The following MRPL48 variants were observed in gnomAD, a reference collection of about 807,000 sequenced individuals.
MRPL48 encodes the protein large ribosomal subunit protein mL48.
A neutral mutation model predicts 32.9 loss-of-function variants in MRPL48; 16 were observed. The ratio of observed to expected loss-of-function variants is 0.49; its 90% CI spans 0.33 to 0.74. MRPL48 has a LOEUF of 0.74. Among genes scored for constraint, MRPL48 ranks in the 30% least tolerant of loss-of-function variants. The pLI is 0.02. For synonymous variants in MRPL48, 94 were observed against 89.2 expected (o/e 1.05, Z -0.31); for missense variants, 206 against 245.3 (o/e 0.84, Z 1.07).
intron 3 of MRPL48, among the ~76,000 whole-genome samples, chr11:73,814,252 G>A (rs1947618698): frequency 1.3e-5 from 2 of 151,496 alleles, no homozygotes; most frequent in Non-Finnish European, 2.9e-5. Context: ...TAGCCTGGTG[G>A]GATAGCGAGT....
chr11:73,853,376 T>C (rs1286750262), intron 5 of MRPL48, among the ~76,000 whole-genome samples: 1 of 152,260 alleles, frequency 6.6e-6, no homozygotes, highest in African/African-American at 2.4e-5. Context: ...ATACCTGCTA[T>C]GGACCCACAA....
chr11:73,813,702 A>C (rs184093461), intron 3 of MRPL48, among the ~76,000 whole-genome samples: 5 of 152,040 alleles, frequency 3.3e-5, no homozygotes, highest in African/African-American at 1.2e-4. Context: ...TGATTTCTAG[A>C]TTTTGTTTCA....
At chr11:73,863,402 C>A in intron 7 of MRPL48, 141 bp downstream of exon 7, 1 of 728,308 alleles carries the variant, frequency 1.4e-6, no homozygotes, top group Non-Finnish European at 2.2e-6. Context: ...AAGTTGTACA[C>A]TCTGATGACA....
chr11:73,817,298 A>G (rs1947695646), intron 3 of MRPL48, among the ~76,000 whole-genome samples: 1 of 152,188 alleles, frequency 6.6e-6, no homozygotes, highest in Non-Finnish European at 1.5e-5. Flanking sequence ...TGCAATGGAA[A>G]CAACACTGTG....
At chr11:73,800,303 A>G (rs911289563) in intron 1 of MRPL48, among the ~76,000 whole-genome samples, 1 of 152,202 alleles carries the variant, frequency 6.6e-6, no homozygotes, top group African/African-American at 2.4e-5. Flanking sequence ...ATAGGACTCA[A>G]TAAATGGTAG....
chr11:73,840,745 C>T (rs528313002), intron 4 of MRPL48, among the ~76,000 whole-genome samples: 1 of 152,054 alleles, frequency 6.6e-6, no homozygotes, highest in Admixed American at 6.6e-5. Flanking sequence ...GGTGATGCAC[C>T]CACCTCGGCC....
intron 5 of MRPL48, among the ~76,000 whole-genome samples, chr11:73,857,137 C>CT (rs11404175): frequency 0.087 from 12,876 of 147,318 alleles, 654 homozygotes; most frequent in South Asian, 0.26. Context: ...AAGCATAGAC[C>CT]TTTTTTTTTT....
intron 1 of MRPL48, among the ~76,000 whole-genome samples, chr11:73,797,730 G>A (rs1235964939): frequency 6.6e-6 from 1 of 152,220 alleles, no homozygotes; most frequent in East Asian, 1.9e-4. Context: ...GCAGGCGTGG[G>A]ACCCAGGCTG....
At chr11:73,844,135 A>T (rs898565650) in intron 4 of MRPL48, among the ~76,000 whole-genome samples, 1 of 151,774 alleles carries the variant, frequency 6.6e-6, no homozygotes, top group Admixed American at 6.6e-5. Flanking sequence ...ATGGGTTAGG[A>T]ATATTTTAAT....
chr11:73,825,284 A>ATATATGTGTGTG (rs146232365), intron 3 of MRPL48, among the ~76,000 whole-genome samples: 11 of 139,914 alleles, frequency 7.9e-5, no homozygotes, highest in South Asian at 2.5e-4. Flanking sequence ...TTTTTTATAT[A>ATATATGTGTGTG]TGTGTGTGTG....
At chr11:73,834,741 G>C (rs1348062929) in intron 4 of MRPL48, among the ~76,000 whole-genome samples, 1 of 151,538 alleles carries the variant, frequency 6.6e-6, no homozygotes, top group African/African-American at 2.4e-5. Flanking sequence ...CACCATGTTG[G>C]CCAGGTTGGT....
chr11:73,818,260 G>T (rs1947711746), intron 3 of MRPL48, among the ~76,000 whole-genome samples: 1 of 152,164 alleles, frequency 6.6e-6, no homozygotes, highest in African/African-American at 2.4e-5. Context: ...CCAAGGAGGG[G>T]CTTGATTGTG....
At chr11:73,807,630 T>TC (rs1947477574) in intron 2 of MRPL48, among the ~76,000 whole-genome samples, 2 of 146,200 alleles carry the variant, frequency 1.4e-5, no homozygotes, top group Admixed American at 1.4e-4. Flanking sequence ...AGTATTATTA[T>TC]CTTTTTTTTT....
chr11:73,840,648 C>T (rs1403699511), intron 4 of MRPL48, among the ~76,000 whole-genome samples: 2 of 152,096 alleles, frequency 1.3e-5, no homozygotes, highest in South Asian at 2.1e-4. Context: ...TACAGGCACC[C>T]GCCACCACGC....
rs779666605 is a variant in MRPL48, at chr11:73,859,895, TC to T, written c.372-10del. On this transcript the variant is annotated splice_polypyrimidine_tract_variant and intron_variant, in intron 5 of 7. Transcript: ENST00000310614. ...GTGAACACTCACTATAGCTGACTCT[TC>T]CTTCCCACAGTTATGCAATGCCAAC... 2 of 1,612,656 alleles carry T rather than the reference TC, an allele frequency of 1.2e-6. No homozygotes were observed. Among genetic ancestry groups the T allele is most frequent in the East Asian group, 2.2e-5 (1 of 44,868 alleles).
intron 1 of MRPL48, among the ~76,000 whole-genome samples, chr11:73,796,453 T>C (rs1222454442): frequency 6.6e-6 from 1 of 152,234 alleles, no homozygotes; most frequent in East Asian, 1.9e-4. Context: ...TCTTGCCTCC[T>C]TGGCCCCCTC....
At chr11:73,808,099 A>T in intron 2 of MRPL48, among the ~76,000 whole-genome samples, 1 of 152,166 alleles carries the variant, frequency 6.6e-6, no homozygotes. Context: ...CAACTAGACC[A>T]TGGATAGAGA....
At chr11:73,806,626 G>T (rs1279389601) in intron 2 of MRPL48, among the ~76,000 whole-genome samples, 1 of 151,978 alleles carries the variant, frequency 6.6e-6, no homozygotes, top group Admixed American at 6.6e-5. Context: ...CTATTCCTAG[G>T]CCTACGATGG....
In MRPL48 at chr11:73,787,878, A is replaced by C; in HGVS notation, c.-94A>C. 6 of 1,501,506 alleles carry C rather than the reference A, an allele frequency of 4.0e-6. No individual in the cohort carries two copies. The highest frequency in any genetic ancestry group is 5.4e-6 in the Non-Finnish European group (6 of 1,109,226). 93.0% of individuals were successfully genotyped at this position (1,501,506 alleles called of 1,614,324 possible). A position where few individuals can be genotyped will look rare whatever the true frequency, so the allele number is the denominator to read the frequency against. On this transcript the variant is annotated 5_prime_UTR_variant, in exon 1 of 8. Coordinates refer to ENST00000310614, the MANE Select transcript of MRPL48 (RefSeq NM_016055.6). ...GGGATATTGCTGCTGCACCTGGTCA[A>C]GGCCGTTCCTTCAGTGTTTTCAGAC... is the stretch of plus-strand genomic sequence containing the variant.
Sources: allele counts gnomAD v4.1 joint callset (sites outside exome capture counted in the v4.1 genomes callset), GRCh38; gene constraint gnomAD v4.1.1; transcripts MANE v1.5; gene names NCBI Gene and HGNC (gene_info 2026-07-23, HGNC 2026-07-21).